NEDD4L: variants seen among roughly 807,000 people sequenced by gnomAD.
The protein encoded by NEDD4L is NEDD4 like E3 ubiquitin protein ligase, also known as E3 ubiquitin-protein ligase NEDD4-like.
A neutral mutation model predicts 148.9 loss-of-function variants in NEDD4L; 54 were observed. The observed-to-expected ratio is 0.36, with a 90% confidence interval of 0.29 to 0.45. NEDD4L has a LOEUF of 0.45. NEDD4L is among the 20% of genes least tolerant of loss of function. The probability of loss-of-function intolerance (pLI) is 1.00; values close to 1 mark genes in which losing one functional copy is unlikely to be tolerated. For synonymous variants in NEDD4L, 433 were observed against 440.7 expected, an observed-to-expected ratio of 0.98 and a Z score of 0.22; for missense variants, 856 against 1,233.8, an observed-to-expected ratio of 0.69 and a Z score of 4.59.
At chr18:58,290,946 C>T (rs1221280676) in intron 5 of NEDD4L, among the ~76,000 whole-genome samples, 2 of 152,222 alleles carry the variant, frequency 1.3e-5, no homozygotes, top group East Asian at 3.8e-4. Flanking sequence ...CTCATTCACA[C>T]TACCCGTCAA....
chr18:58,398,128 G>A lies in NEDD4L; in HGVS notation c.*1859G>A, dbSNP rs527475648. 8.8e-6 allele frequency: 1 copy of A among 113,308 alleles called. No individual in the cohort carries two copies. Among genetic ancestry groups the A allele is most frequent in the African/African-American group, 3.4e-5 (1 of 29,378 alleles). 7.0% of individuals were successfully genotyped at this position (113,308 alleles called of 1,614,324 possible). ...CTTATTGGTTGAAAATTACCTGGTAGTGATCAGAAAACTTAGATGCTATGT... is the reference window on the plus strand; with the variant it reads ...CTTATTGGTTGAAAATTACCTGGTAATGATCAGAAAACTTAGATGCTATGT... On this transcript the variant is annotated 3_prime_UTR_variant, in exon 31 of 31. Transcript: ENST00000400345.
chr18:58,215,790 T>C (rs1484068404), intron 2 of NEDD4L, among the ~76,000 whole-genome samples: 1 of 152,198 alleles, frequency 6.6e-6, no homozygotes, highest in Admixed American at 6.5e-5. Flanking sequence ...TCCTTTTAGT[T>C]GTTTTTTAGG....
chr18:58,359,243 C>T (rs904790539), intron 19 of NEDD4L, among the ~76,000 whole-genome samples: 5 of 152,088 alleles, frequency 3.3e-5, no homozygotes, highest in South Asian at 2.1e-4. Flanking sequence ...TTTTCTCTCT[C>T]GCGATATTTT....
At chr18:58,278,183 T>C (rs2052440184) in intron 5 of NEDD4L, among the ~76,000 whole-genome samples, 1 of 152,232 alleles carries the variant, frequency 6.6e-6, no homozygotes, top group African/African-American at 2.4e-5. Flanking sequence ...GAAATTCAGA[T>C]AGGCTTTCTC....
At chr18:58,282,854 A>G (rs988818437) in intron 5 of NEDD4L, among the ~76,000 whole-genome samples, 1 of 152,224 alleles carries the variant, frequency 6.6e-6, no homozygotes, top group African/African-American at 2.4e-5. Context: ...CATGTTGATC[A>G]TGCTGCGTAA....
At chr18:58,329,157 C>A (rs770840064) in intron 10 of NEDD4L, 30 bp downstream of exon 10, 1 of 1,605,390 alleles carries the variant, frequency 6.2e-7, no homozygotes, top group South Asian at 1.1e-5. Context: ...GTGCAAAGCC[C>A]GGCAGCTCCT....
chr18:58,228,089 C>T (rs935690009), intron 2 of NEDD4L, among the ~76,000 whole-genome samples: 7 of 152,202 alleles, frequency 4.6e-5, no homozygotes, highest in African/African-American at 1.4e-4. Flanking sequence ...CCATTACCCC[C>T]ATGTCCCATT....
At chr18:58,281,778 C>A (rs62096363) in intron 5 of NEDD4L, among the ~76,000 whole-genome samples, 23,729 of 151,940 alleles carry the variant, frequency 0.16, 2,119 homozygotes, top group Non-Finnish European at 0.18. Context: ...GTGATCCCAG[C>A]ACTTTGGGAA....
At chr18:58,156,806 G>A (rs2035559016) in intron 1 of NEDD4L, among the ~76,000 whole-genome samples, 1 of 152,056 alleles carries the variant, frequency 6.6e-6, no homozygotes, top group African/African-American at 2.4e-5. Flanking sequence ...CCTCATAACG[G>A]AAAATGGCTT....
intron 3 of NEDD4L, among the ~76,000 whole-genome samples, chr18:58,245,851 T>TTC: frequency 7.0e-6 from 1 of 143,240 alleles, no homozygotes; most frequent in Admixed American, 6.9e-5. Context: ...TGGCTATTTT[T>TTC]TTTTTTTTTT....
chr18:58,330,926 C>T lies in NEDD4L; in HGVS notation c.990+12C>T. ...TCAGCTCTTTGATTGTAAGTAGTGG[C>T]CTTGTTTGAAAGAAAAGCTGAGCAA... On this transcript the variant is annotated intron_variant, in intron 11 of 30. Coordinates refer to ENST00000400345, the MANE Select transcript of NEDD4L (RefSeq NM_001144967.3). The T allele has an allele frequency of 6.2e-7, 1 of 1,610,718 alleles. No individual in the cohort carries two copies. Among genetic ancestry groups the T allele is most frequent in the Non-Finnish European group, 8.5e-7 (1 of 1,177,732 alleles).
In NEDD4L at chr18:58,373,075, A is replaced by G. The variant is rs1298163456; in HGVS notation, c.2257-99A>G. On this transcript the variant is annotated intron_variant, in intron 23 of 30. Transcript: ENST00000400345. ...TGCATTAGTAACATATTTCTTGAGC[A>G]TTCTGCACAGAATTACATTAGAATG... 6 of 710,324 alleles carry G rather than the reference A, an allele frequency of 8.4e-6. No individual in the cohort carries two copies. The East Asian group carries it at 1.4e-4, about 16-fold the overall frequency. 44.0% of individuals were successfully genotyped at this position (710,324 alleles called of 1,614,324 possible).
intron 2 of NEDD4L, among the ~76,000 whole-genome samples, chr18:58,167,640 T>C (rs1035916582): frequency 6.6e-6 from 1 of 152,186 alleles, no homozygotes; most frequent in Non-Finnish European, 1.5e-5. Flanking sequence ...CCTCGATTGC[T>C]AGATTAGAAA....
At chr18:58,235,027 T>C (rs2045837558) in intron 2 of NEDD4L, among the ~76,000 whole-genome samples, 1 of 151,920 alleles carries the variant, frequency 6.6e-6, no homozygotes, top group South Asian at 2.1e-4. Flanking sequence ...CCGAGGTACT[T>C]CTGGCACCGT....
intron 5 of NEDD4L, among the ~76,000 whole-genome samples, chr18:58,285,930 G>A (rs1038457253): frequency 6.6e-6 from 1 of 152,174 alleles, no homozygotes; most frequent in South Asian, 2.1e-4. Flanking sequence ...AGAACATTAT[G>A]TTCTAAGGTA....
chr18:58,167,209 G>A (rs2036961294), intron 2 of NEDD4L, among the ~76,000 whole-genome samples: 1 of 152,208 alleles, frequency 6.6e-6, no homozygotes, highest in Non-Finnish European at 1.5e-5. Context: ...TCAGAGTGAA[G>A]CAAATCCCAC....
intron 30 of NEDD4L, among the ~76,000 whole-genome samples, chr18:58,393,399 A>G (rs1190959463): frequency 6.6e-6 from 1 of 152,234 alleles, no homozygotes; most frequent in African/African-American, 2.4e-5. Flanking sequence ...GATGATTTTT[A>G]TAGGCTGGCA....
chr18:58,236,678 G>A (rs1022929618), intron 2 of NEDD4L, among the ~76,000 whole-genome samples: 4 of 152,224 alleles, frequency 2.6e-5, no homozygotes, highest in African/African-American at 9.6e-5. Flanking sequence ...TAATGATCCT[G>A]GAAGTTATGA....
intron 1 of NEDD4L, among the ~76,000 whole-genome samples, chr18:58,047,695 G>A (rs1286969311): frequency 6.6e-6 from 1 of 152,192 alleles, no homozygotes; most frequent in African/African-American, 2.4e-5. Context: ...AGAGGGATTA[G>A]CAGTTTAACA....
Sources: gnomAD v4.1 joint callset for allele counts (sites outside exome capture counted in the v4.1 genomes callset) on GRCh38, gnomAD v4.1.1 for gene constraint, MANE v1.5 for transcripts, NCBI Gene and HGNC (gene_info 2026-07-23, HGNC 2026-07-21) for gene names.